Variants in ERGIC1 observed in about 807,000 individuals in gnomAD.
The protein encoded by ERGIC1 is endoplasmic reticulum-Golgi intermediate compartment protein 1.
Under a neutral mutation model 38.3 loss-of-function variants are expected in ERGIC1, and 19 were observed. That is an observed-to-expected ratio of 0.50 (90% confidence interval 0.35 to 0.73). The LOEUF is 0.73. ERGIC1 is among the 30% of genes least tolerant of loss of function. The pLI is 0.01. For synonymous variants in ERGIC1, 124 were observed against 157.6 expected (o/e 0.79, Z 1.60); for missense variants, 294 against 389.2 (o/e 0.76, Z 2.06).
intron 5 of ERGIC1, among the ~76,000 whole-genome samples, chr5:172,919,761 C>T (rs962054898): frequency 1.3e-5 from 2 of 152,202 alleles, no homozygotes; most frequent in African/African-American, 2.4e-5. Flanking sequence ...TTTCCATGAC[C>T]TCATCAGCTG....
At chr5:172,859,182 T>C (rs1362503819) in intron 1 of ERGIC1, among the ~76,000 whole-genome samples, 2 of 152,122 alleles carry the variant, frequency 1.3e-5, no homozygotes, top group Non-Finnish European at 1.5e-5. Flanking sequence ...TACGTGCACA[T>C]TTTTCCTCTA....
At chr5:172,873,151 A>C (rs925830834) in intron 1 of ERGIC1, among the ~76,000 whole-genome samples, 3 of 151,368 alleles carry the variant, frequency 2.0e-5, no homozygotes, top group African/African-American at 7.3e-5. Flanking sequence ...CTTTTGAAAA[A>C]CCCCGCTCAT....
intron 3 of ERGIC1, among the ~76,000 whole-genome samples, chr5:172,908,252 A>G (rs996693210): frequency 7.3e-6 from 1 of 137,786 alleles, no homozygotes; most frequent in African/African-American, 2.7e-5. Flanking sequence ...GGTGGAGGCC[A>G]GGCACAGTGG....
chr5:172,943,995 CA>C (rs1173502416), intron 9 of ERGIC1, among the ~76,000 whole-genome samples: 1 of 152,178 alleles, frequency 6.6e-6, no homozygotes, highest in Non-Finnish European at 1.5e-5. Context: ...AGTGGAAGGC[CA>C]AGAAGCTGAC....
At chr5:172,942,039 A>C (rs1334845555) in intron 9 of ERGIC1, among the ~76,000 whole-genome samples, 2 of 152,142 alleles carry the variant, frequency 1.3e-5, no homozygotes, top group Non-Finnish European at 2.9e-5. Context: ...CGTCTCTACT[A>C]AAAATACAAA....
At chr5:172,917,514 A>G (rs1763398245) in intron 5 of ERGIC1, 1 of 152,146 alleles carries the variant, frequency 6.6e-6, no homozygotes, top group Non-Finnish European at 1.5e-5. Context: ...CTGTGCTAGA[A>G]CAAGCGCCCC....
At chr5:172,904,265 A>T (rs1186552141) in intron 3 of ERGIC1, among the ~76,000 whole-genome samples, 1 of 152,230 alleles carries the variant, frequency 6.6e-6, no homozygotes, top group Non-Finnish European at 1.5e-5. Context: ...CATCACTCTG[A>T]TGAAGACATA....
At chr5:172,852,327 G>C (rs1761431349) in intron 1 of ERGIC1, among the ~76,000 whole-genome samples, 1 of 152,220 alleles carries the variant, frequency 6.6e-6, no homozygotes, top group Non-Finnish European at 1.5e-5. Context: ...TAGCCTGCAG[G>C]AGCTGGTTTC....
At chr5:172,932,079 G>A (rs532133850) in intron 7 of ERGIC1, among the ~76,000 whole-genome samples, 15 of 151,804 alleles carry the variant, frequency 9.9e-5, no homozygotes, top group East Asian at 5.8e-4. Flanking sequence ...GGCTGGTCTC[G>A]AACTCCTGAC....
At chr5:172,840,064 G>A (rs1336183765) in intron 1 of ERGIC1, among the ~76,000 whole-genome samples, 3 of 152,156 alleles carry the variant, frequency 2.0e-5, no homozygotes, top group Non-Finnish European at 4.4e-5. Context: ...TTTCCCCCTA[G>A]CCTCATGTAG....
chr5:172,895,981 C>T (rs764934711), intron 2 of ERGIC1, among the ~76,000 whole-genome samples: 1 of 151,970 alleles, frequency 6.6e-6, no homozygotes, highest in Non-Finnish European at 1.5e-5. Context: ...CTTTAGGTGC[C>T]AGGCAGATGA....
intron 5 of ERGIC1, among the ~76,000 whole-genome samples, chr5:172,921,817 C>G (rs890638038): frequency 6.6e-6 from 1 of 152,220 alleles, no homozygotes; most frequent in African/African-American, 2.4e-5. Flanking sequence ...TGCACCTGTT[C>G]ATGCTGTTCC....
intron 1 of ERGIC1, among the ~76,000 whole-genome samples, chr5:172,851,385 A>G (rs936061715): frequency 6.7e-6 from 1 of 149,858 alleles, no homozygotes; most frequent in African/African-American, 2.5e-5. Context: ...GGCATGCACC[A>G]GTAGTCCCAG....
chr5:172,900,864 T>C (rs949352854), intron 3 of ERGIC1, among the ~76,000 whole-genome samples: 2 of 152,172 alleles, frequency 1.3e-5, no homozygotes, highest in Admixed American at 1.3e-4. Flanking sequence ...GCTATGAAGA[T>C]GCAGTGACCC....
intron 1 of ERGIC1, among the ~76,000 whole-genome samples, chr5:172,860,701 C>T (rs1034287247): frequency 6.6e-6 from 1 of 152,192 alleles, no homozygotes; most frequent in African/African-American, 2.4e-5. Flanking sequence ...GTCCTGGGGT[C>T]AGGACAAGGA....
chr5:172,889,913 T>A (rs1762515973), intron 2 of ERGIC1, among the ~76,000 whole-genome samples: 1 of 152,184 alleles, frequency 6.6e-6, no homozygotes, highest in Non-Finnish European at 1.5e-5. Context: ...TTTGGAGCAC[T>A]TAGGATTTTG....
chr5:172,915,804 C>A, intron 5 of ERGIC1: 1 of 375,362 alleles, frequency 2.7e-6, no homozygotes, highest in East Asian at 7.7e-5. Flanking sequence ...CTGGCCACTC[C>A]TGGCTTCTCC....
chr5:172,932,201 GT>G (rs1178117626), intron 7 of ERGIC1, among the ~76,000 whole-genome samples: 3 of 152,182 alleles, frequency 2.0e-5, no homozygotes, highest in Non-Finnish European at 2.9e-5. Flanking sequence ...GGACATTTGG[GT>G]TGTTTCCAGA....
At chr5:172,947,118 G>C (rs549039442) in intron 9 of ERGIC1, among the ~76,000 whole-genome samples, 2 of 150,990 alleles carry the variant, frequency 1.3e-5, no homozygotes, top group African/African-American at 2.4e-5. Context: ...CAGGAGTGGA[G>C]GTTGCAGTGA....
Sources: allele counts gnomAD v4.1 joint callset (sites outside exome capture counted in the v4.1 genomes callset), GRCh38; gene constraint gnomAD v4.1.1; transcripts MANE v1.5; gene names NCBI Gene and HGNC (gene_info 2026-07-23, HGNC 2026-07-21).